Variants in TSPAN7 observed in about 807,000 individuals in gnomAD.
TSPAN7 encodes the protein tetraspanin-7.
Under a neutral mutation model 17.6 loss-of-function variants are expected in TSPAN7, and 1 was observed. The ratio of observed to expected loss-of-function variants is 0.06; its 90% CI spans 0.02 to 0.27. The LOEUF is 0.27. Ranked by LOEUF, TSPAN7 falls within the 10% of genes least tolerant of loss-of-function variation. TSPAN7 has a pLI of 1.00. For missense variants in TSPAN7, 112 were observed against 201.7 expected (o/e 0.56, Z 2.69); for synonymous variants, 78 against 79.0 (o/e 0.99, Z 0.07).
At chrX:38,569,118 G>A (rs61162822) in intron 1 of TSPAN7, among the ~76,000 whole-genome samples, 14,083 of 110,254 alleles carry the variant, frequency 0.13, 1,863 homozygotes, top group African/African-American at 0.4. Flanking sequence ...TTTTCTGTAC[G>A]TGTTTAAGAG....
chrX:38,590,427 C>T (rs1315986523), intron 1 of TSPAN7, among the ~76,000 whole-genome samples: 1 of 112,064 alleles, frequency 8.9e-6, no homozygotes, highest in Non-Finnish European at 1.9e-5. Flanking sequence ...AGAATGCTGG[C>T]CTCATAAACT....
intron 1 of TSPAN7, among the ~76,000 whole-genome samples, chrX:38,572,298 C>A (rs893817955): frequency 1.8e-5 from 2 of 111,262 alleles, no homozygotes; most frequent in African/African-American, 6.6e-5. Flanking sequence ...ATGTTCACTG[C>A]AGTGTGTCTG....
chrX:38,610,134 G>A (rs2069410471), intron 1 of TSPAN7, among the ~76,000 whole-genome samples: 1 of 111,804 alleles, frequency 8.9e-6, no homozygotes, highest in Non-Finnish European at 1.9e-5. Flanking sequence ...ACTAAGACAT[G>A]TTCTGTGTCA....
chrX:38,599,884 A>G (rs2069336767), intron 1 of TSPAN7, among the ~76,000 whole-genome samples: 1 of 111,906 alleles, frequency 8.9e-6, no homozygotes. Context: ...TAGCACTCCC[A>G]TGCTCAATTT....
rs769498965 is a variant in TSPAN7 at position 38,626,388 on chromosome X, T to C, written c.82-39733T>C. On this transcript the variant is annotated intron_variant, in intron 1 of 7. Coordinates refer to ENST00000378482, the MANE Select transcript of TSPAN7 (RefSeq NM_004615.4). ...GTTAATCTTTAAAAATATAAAAAGA[T>C]TGGTACTTGACATTAATAGGAAGTG... Among the ~76,000 whole-genome samples, 11 of 111,892 alleles carry C rather than the reference T, an allele frequency of 9.8e-5. No individual in the cohort carries two copies. The South Asian group carries it at 4.1e-3, about 42-fold the overall frequency.
chrX:38,631,851 A>C lies in TSPAN7; in HGVS notation c.82-34270A>C, dbSNP rs747020366. Among the ~76,000 whole-genome samples, 7 of 112,093 alleles carry C rather than the reference A, an allele frequency of 6.2e-5. No homozygotes were observed. In the East Asian group the frequency reaches 2.0e-3, roughly 31 times the overall value. On this transcript the variant is annotated intron_variant, in intron 1 of 7. Transcript: ENST00000378482. The stretch of plus-strand genomic sequence containing the variant: ...GAGGGATGTGGATTAAAGAAACAGC[A>C]GTTGCTTCTTGCTATATGATCCATT...
chrX:38,603,213 A>G (rs6610160), intron 1 of TSPAN7, among the ~76,000 whole-genome samples: 21,673 of 111,302 alleles, frequency 0.19, 2,263 homozygotes, highest in African/African-American at 0.4. Flanking sequence ...CAAAACTACA[A>G]TGAAATACCA....
At chrX:38,676,242 A>G (rs1030676625) in intron 5 of TSPAN7, among the ~76,000 whole-genome samples, 6 of 111,171 alleles carry the variant, frequency 5.4e-5, no homozygotes, top group African/African-American at 1.6e-4. Context: ...TCAGTTTTTG[A>G]CAGCAAGAGG....
chrX:38,672,235 A>T (rs893697089), intron 3 of TSPAN7, among the ~76,000 whole-genome samples: 37 of 111,387 alleles, frequency 3.3e-4, no homozygotes, highest in African/African-American at 1.0e-3. Flanking sequence ...AAAGAAAAAA[A>T]ATATATACAG....
At chrX:38,606,622 T>A (rs1274204451) in intron 1 of TSPAN7, among the ~76,000 whole-genome samples, 1 of 111,183 alleles carries the variant, frequency 9.0e-6, no homozygotes, top group Non-Finnish European at 1.9e-5. Context: ...AACCTGGAAG[T>A]GATGAATGCA....
chrX:38,586,161 C>A (rs1329470047), intron 1 of TSPAN7, among the ~76,000 whole-genome samples: 3 of 112,174 alleles, frequency 2.7e-5, no homozygotes, highest in Non-Finnish European at 5.6e-5. Flanking sequence ...GCCCAGTGAG[C>A]CTTCTTTACT....
In TSPAN7 at chrX:38,687,632, C is replaced by G; in HGVS notation, c.715C>G (p.Arg239Gly). ...CATGCTGCTGGCCTGCTGTCTGTCC[C>G]GGTTCATCACGGCCAATCAGTATGA... is the stretch of plus-strand genomic sequence containing the variant. The part of the protein sequence containing the change: ...IGMLLACCLS[R>G]FITANQYEMV Residue 239 changes from arginine (R) to glycine (G), a missense_variant, in exon 7 of 8, where the codon CGG becomes GGG. By Grantham distance (125) the Arg-to-Gly change is moderately radical (BLOSUM62 -2). Transcript: ENST00000378482. 1.7e-6 allele frequency: 2 copies of G among 1,210,683 alleles called. No individual in the cohort carries two copies. The highest frequency in any genetic ancestry group is 2.2e-6 in the Non-Finnish European group (2 of 895,127).
intron 1 of TSPAN7, among the ~76,000 whole-genome samples, chrX:38,606,896 T>G (rs1303966002): frequency 8.0e-5 from 9 of 112,211 alleles, no homozygotes; most frequent in Non-Finnish European, 1.7e-4. Flanking sequence ...AATGATCTTT[T>G]GGAAATGTAA....
intron 1 of TSPAN7, among the ~76,000 whole-genome samples, chrX:38,582,221 C>T: frequency 8.9e-6 from 1 of 112,564 alleles, no homozygotes; most frequent in East Asian, 2.8e-4. Context: ...AAAGAAATTC[C>T]TCCCAGGCTG....
chrX:38,653,689 A>G (rs2069687862), intron 1 of TSPAN7, among the ~76,000 whole-genome samples: 1 of 112,704 alleles, frequency 8.9e-6, no homozygotes, highest in South Asian at 3.7e-4. Context: ...AAAGTATCAA[A>G]CTATAGCTTG....
At chrX:38,614,402 G>A (rs1170134204) in intron 1 of TSPAN7, among the ~76,000 whole-genome samples, 4 of 112,243 alleles carry the variant, frequency 3.6e-5, no homozygotes, top group African/African-American at 1.3e-4. Context: ...CAAGGTCACT[G>A]CTAAAAAGTG....
intron 3 of TSPAN7, among the ~76,000 whole-genome samples, chrX:38,673,364 CT>C (rs1173827469): frequency 0.029 from 2,455 of 85,906 alleles, 87 homozygotes; most frequent in African/African-American, 0.099. Flanking sequence ...GTTTTGTTAA[CT>C]TTTTTTTTTT....
chrX:38,680,212 T>G (rs1426618140), intron 5 of TSPAN7, among the ~76,000 whole-genome samples: 1 of 111,369 alleles, frequency 9.0e-6, no homozygotes, highest in African/African-American at 3.3e-5. Context: ...TGTATATAGA[T>G]ACCACTTAAT....
At chrX:38,603,446 C>T (rs780024053) in intron 1 of TSPAN7, among the ~76,000 whole-genome samples, 17 of 112,171 alleles carry the variant, frequency 1.5e-4, no homozygotes, top group Non-Finnish European at 3.0e-4. Context: ...TCCTTACAAA[C>T]ACTTGTGTAT....
Sources: allele counts gnomAD v4.1 joint callset (sites outside exome capture counted in the v4.1 genomes callset), GRCh38; gene constraint gnomAD v4.1.1; transcripts MANE v1.5; gene names NCBI Gene and HGNC (gene_info 2026-07-23, HGNC 2026-07-21).